Variants in VIPR2 observed in about 807,000 individuals in gnomAD.
The protein encoded by VIPR2 is vasoactive intestinal peptide receptor 2.
A neutral mutation model predicts 58.0 loss-of-function variants in VIPR2; 48 were observed. That is an observed-to-expected ratio of 0.83 (90% CI 0.66 to 1.05). The LOEUF is 1.05. Among genes scored for constraint, VIPR2 ranks in the 50% least tolerant of loss-of-function variants. VIPR2 has a pLI of 0.00. For missense variants in VIPR2, 534 were observed against 558.0 expected (o/e 0.96, Z 0.43); for synonymous variants, 243 against 235.2 (o/e 1.03, Z -0.30).
At chr7:159,062,441 TGCTGGATTCGCGGTCTC>T in intron 4 of VIPR2, among the ~76,000 whole-genome samples, 1 of 152,336 alleles carries the variant, frequency 6.6e-6, no homozygotes, top group South Asian at 2.1e-4. Context: ...TTGTTCCTTC[TGCTGGATTCGCGGTCTC>T]GCTGGCTTCA....
chr7:159,038,449 C>T (rs1854111018), intron 6 of VIPR2, among the ~76,000 whole-genome samples: 1 of 152,176 alleles, frequency 6.6e-6, no homozygotes, highest in Non-Finnish European at 1.5e-5. Flanking sequence ...GCAAGTTCTG[C>T]CCTGGGCATC....
chr7:159,107,516 C>T (rs1023864968), intron 3 of VIPR2, among the ~76,000 whole-genome samples: 4 of 152,230 alleles, frequency 2.6e-5, no homozygotes, highest in African/African-American at 9.6e-5. Flanking sequence ...AGCACCTAAT[C>T]CTCACAGCTT....
At chr7:159,101,847 C>T (rs1486434643) in intron 4 of VIPR2, among the ~76,000 whole-genome samples, 9 of 134,776 alleles carry the variant, frequency 6.7e-5, no homozygotes, top group South Asian at 2.4e-4. Flanking sequence ...ACGGGTCTCA[C>T]GAGATCCGAC....
At chr7:159,088,219 A>G (rs943948678) in intron 4 of VIPR2, among the ~76,000 whole-genome samples, 2 of 152,258 alleles carry the variant, frequency 1.3e-5, no homozygotes, top group Non-Finnish European at 2.9e-5. Context: ...AGGAGCCAGC[A>G]TCTGCAGCAG....
intron 7 of VIPR2, among the ~76,000 whole-genome samples, chr7:159,036,407 G>C (rs1853960461): frequency 6.6e-6 from 1 of 152,156 alleles, no homozygotes; most frequent in Non-Finnish European, 1.5e-5. Context: ...GCAAGGCAAG[G>C]CTTCCGCTAC....
chr7:159,127,920 GTC>G lies in VIPR2; in HGVS notation c.151+14524_151+14525del, dbSNP rs1796715056. The stretch of plus-strand genomic sequence containing the variant: ...CATTCAAGGCCTCAAGGCACGGGGA[GTC>G]CTGCCGTGCTATTCCAAGGACAATC... On this transcript the variant is annotated intron_variant, in intron 2 of 12. Transcript: ENST00000262178. This position sits in a 1 kb window ranked among gnomAD's most constrained non-coding sequence, Gnocchi z 4.6. 6.6e-6 allele frequency among the ~76,000 whole-genome samples: 1 copy of G among 152,182 alleles called. No individual in the cohort carries two copies. The highest frequency in any genetic ancestry group is 1.5e-5 in the Non-Finnish European group (1 of 68,024).
At chr7:159,141,778 C>T (rs541251173) in intron 2 of VIPR2, among the ~76,000 whole-genome samples, 1 of 152,330 alleles carries the variant, frequency 6.6e-6, no homozygotes, top group East Asian at 1.9e-4. Context: ...ACTGTTTTAA[C>T]ACAGATTTAA....
At chr7:159,038,037 T>A (rs1854082483) in intron 6 of VIPR2, among the ~76,000 whole-genome samples, 2 of 152,052 alleles carry the variant, frequency 1.3e-5, no homozygotes, top group Admixed American at 6.5e-5. Context: ...TATATACGGG[T>A]GAATATACTT....
intron 2 of VIPR2, among the ~76,000 whole-genome samples, chr7:159,135,229 A>T (rs1288745840): frequency 2.0e-5 from 3 of 151,490 alleles, no homozygotes; most frequent in Non-Finnish European, 4.4e-5. Context: ...TGAGGAGTTC[A>T]AGACCAGCCT....
intron 5 of VIPR2, among the ~76,000 whole-genome samples, chr7:159,049,711 G>C (rs1040550923): frequency 3.3e-5 from 5 of 152,204 alleles, no homozygotes; most frequent in Admixed American, 2.6e-4. Flanking sequence ...GTACTTGGGG[G>C]AAATGCCTGC....
intron 6 of VIPR2, 48 bp downstream of exon 6, chr7:159,042,987 G>C: frequency 1.3e-6 from 2 of 1,597,192 alleles, no homozygotes; most frequent in Non-Finnish European, 1.7e-6. Flanking sequence ...AGAGGGAACA[G>C]AGATAAAGGG....
At chr7:159,032,188 T>A in intron 10 of VIPR2, 121 bp from the exon 11 acceptor site, 1 of 1,367,636 alleles carries the variant, frequency 7.3e-7, no homozygotes, top group Non-Finnish European at 9.9e-7. Context: ...TCCTCTCCAC[T>A]GCTGGAGTCC....
intron 4 of VIPR2, among the ~76,000 whole-genome samples, chr7:159,075,479 A>G (rs959325148): frequency 1.3e-5 from 2 of 152,232 alleles, no homozygotes; most frequent in Non-Finnish European, 2.9e-5. Context: ...ACTCAATAAA[A>G]TCTTCATATC....
intron 2 of VIPR2, among the ~76,000 whole-genome samples, chr7:159,132,023 C>A (rs957379966): frequency 2.0e-5 from 3 of 152,172 alleles, no homozygotes; most frequent in Non-Finnish European, 4.4e-5. Flanking sequence ...TGTAACCAAG[C>A]CAACATTCTT....
At chr7:159,058,447 A>G (rs2129494006) in intron 5 of VIPR2, 34 bp downstream of exon 5, 1 of 1,587,424 alleles carries the variant, frequency 6.3e-7, no homozygotes, top group South Asian at 1.1e-5. Flanking sequence ...CTTGTCTTGT[A>G]TTCTTTGCAG....
At chr7:159,068,806 C>A (rs1314125709) in intron 4 of VIPR2, among the ~76,000 whole-genome samples, 1 of 152,238 alleles carries the variant, frequency 6.6e-6, no homozygotes, top group Non-Finnish European at 1.5e-5. Flanking sequence ...GAGACATTCC[C>A]ATGGGGAGCA....
Position 159,030,771 on chromosome 7 carries a change from G to C in VIPR2, c.1162C>G (p.Arg388Gly), listed in dbSNP as rs1182549640. 6.3e-7 allele frequency: 1 copy of C among 1,594,560 alleles called. No homozygotes were observed. Among genetic ancestry groups the C allele is most frequent in the African/African-American group, 1.3e-5 (1 of 74,136 alleles). ...GTCGGGCACCGGCTTCGCCATTTTC[G>C]CTTCAGCTCGCACTGCACCTGGGAG... is the stretch of plus-strand genomic sequence containing the variant. ...LNSEVQCELK[R>G]KWRSRCPTPS... Residue 388 changes from arginine to glycine, a missense_variant, in exon 13 of 13, where the codon CGA (arginine) becomes GGA (glycine). Physicochemically the swap from Arg to Gly is moderately radical, Grantham distance 125. This residue lies in a region of VIPR2 where 306 missense variants were observed against 285.8 expected (regional missense o/e 1.07). Coordinates refer to ENST00000262178, the MANE Select transcript of VIPR2 (RefSeq NM_003382.5).
At chr7:159,050,354 C>CAAAAAAAAA (rs11302236) in intron 5 of VIPR2, among the ~76,000 whole-genome samples, 24 of 139,086 alleles carry the variant, frequency 1.7e-4, no homozygotes, top group Non-Finnish European at 1.2e-4. Context: ...CACAAAAAAA[C>CAAAAAAAAA]AAAAAAAAAA....
At chr7:159,060,071 A>G (rs891360008) in intron 4 of VIPR2, among the ~76,000 whole-genome samples, 26 of 142,622 alleles carry the variant, frequency 1.8e-4, no homozygotes, top group African/African-American at 6.4e-4. Context: ...CACGGAACCC[A>G]TCTTCACCTC....
Sources: gnomAD v4.1 joint callset for allele counts (sites outside exome capture counted in the v4.1 genomes callset) on GRCh38, gnomAD v4.1.1 for gene constraint, gnomAD v4.1.1 regional missense constraint, Gnocchi (gnomAD v3.1) non-coding constraint, MANE v1.5 for transcripts, NCBI Gene and HGNC (gene_info 2026-07-23, HGNC 2026-07-21) for gene names.